The following TIGAR variants were observed in gnomAD, a reference collection of about 807,000 sequenced individuals.
The protein encoded by TIGAR is fructose-2,6-bisphosphatase TIGAR.
In TIGAR, 7 loss-of-function variants were observed where a neutral mutation model predicts 17.9. The observed-to-expected ratio is 0.39, with a 90% CI of 0.22 to 0.73. The LOEUF is 0.73. Among genes scored for constraint, TIGAR ranks in the 30% least tolerant of loss-of-function variants. The probability of loss-of-function intolerance (pLI) is 0.42; values close to 1 mark genes in which losing one functional copy is unlikely to be tolerated. For missense variants in TIGAR, 258 were observed against 327.4 expected (o/e 0.79, Z 1.64); for synonymous variants, 94 against 108.6 (o/e 0.87, Z 0.84).
intron 2 of TIGAR, among the ~76,000 whole-genome samples, chr12:4,333,538 C>T (rs966796354): frequency 1.3e-5 from 2 of 151,852 alleles, no homozygotes; most frequent in South Asian, 2.1e-4. Flanking sequence ...GGCGTGATCT[C>T]GGCTCCTGCA....
Position 4,331,319 on chromosome 12 carries a change from T to G in TIGAR, c.70+2T>G. 1 of 1,609,364 alleles carries G rather than the reference T, an allele frequency of 6.2e-7. No homozygotes were observed. Among genetic ancestry groups the G allele is most frequent in the Non-Finnish European group, 8.5e-7 (1 of 1,175,682 alleles). On this transcript the variant is annotated splice_donor_variant, in intron 2 of 5. Coordinates refer to ENST00000179259, the MANE Select transcript of TIGAR (RefSeq NM_020375.3). LOFTEE classifies it high-confidence loss of function. ...TTAACAAGGAGAAAATAATCCAAGG[T>G]TGGTATAATCCGATTGTTATTTTAG...
chr12:4,336,446 G>GCACACACACACACACACACACACACACA (rs10595001), intron 2 of TIGAR, among the ~76,000 whole-genome samples: 1 of 138,468 alleles, frequency 7.2e-6, no homozygotes, highest in African/African-American at 2.7e-5. Flanking sequence ...CAGCAATGCA[G>GCACACACACACACACACACACACACACA]CACACACACA....
At chr12:4,332,148 T>G (rs1864609594) in intron 2 of TIGAR, among the ~76,000 whole-genome samples, 1 of 152,102 alleles carries the variant, frequency 6.6e-6, no homozygotes, top group Non-Finnish European at 1.5e-5. Flanking sequence ...CAAGAAAGTT[T>G]TTGTGTTCTT....
intron 5 of TIGAR, 36 bp from the exon 6 acceptor site, chr12:4,352,224 G>A (rs1256303837): frequency 6.4e-7 from 1 of 1,563,112 alleles, no homozygotes; most frequent in East Asian, 2.2e-5. Flanking sequence ...AGTCATTAAT[G>A]TCACTTTATT....
intron 2 of TIGAR, among the ~76,000 whole-genome samples, chr12:4,334,288 C>T (rs1432951031): frequency 1.3e-5 from 2 of 152,128 alleles, no homozygotes; most frequent in East Asian, 1.9e-4. Flanking sequence ...TCCTGGTTTG[C>T]GGACTGCTGT....
At chr12:4,347,616 G>A (rs1318562850) in intron 3 of TIGAR, among the ~76,000 whole-genome samples, 1 of 152,162 alleles carries the variant, frequency 6.6e-6, no homozygotes, top group Non-Finnish European at 1.5e-5. Flanking sequence ...ACCAGGATGT[G>A]ATTGTCATGC....
intron 4 of TIGAR, among the ~76,000 whole-genome samples, 170 bp downstream of exon 4, chr12:4,350,066 C>CTTATTATTAAA (rs1169048482): frequency 6.6e-6 from 1 of 152,076 alleles, no homozygotes; most frequent in East Asian, 1.9e-4. Flanking sequence ...TATATAGGAT[C>CTTATTATTAAA]TTATTATTAA....
chr12:4,356,533 C>T lies in TIGAR; in HGVS notation c.*3842C>T, dbSNP rs967981612. ...CTTCTCCTACTATCAACATCCCCCA[C>T]CAGACCAGTGCATCTGTTACCATCG... On this transcript the variant is annotated 3_prime_UTR_variant, in exon 6 of 6. Coordinates refer to ENST00000179259, the MANE Select transcript of TIGAR (RefSeq NM_020375.3). Among the ~76,000 whole-genome samples the T allele has an allele frequency of 6.6e-6, 1 of 152,146 alleles. No individual in the cohort carries two copies.
At chr12:4,338,362 T>G (rs936759137) in intron 3 of TIGAR, among the ~76,000 whole-genome samples, 1 of 151,964 alleles carries the variant, frequency 6.6e-6, no homozygotes, top group Non-Finnish European at 1.5e-5. Context: ...CCCTAGGGAG[T>G]GTCCTGGTTT....
At chr12:4,344,377 T>C (rs568460504) in intron 3 of TIGAR, among the ~76,000 whole-genome samples, 1 of 152,322 alleles carries the variant, frequency 6.6e-6, no homozygotes, top group African/African-American at 2.4e-5. Context: ...ACTCATTTTA[T>C]GAGGCCAGCA....
chr12:4,339,828 A>G (rs1270744471), intron 3 of TIGAR, among the ~76,000 whole-genome samples: 1 of 152,236 alleles, frequency 6.6e-6, no homozygotes, highest in Non-Finnish European at 1.5e-5. Context: ...CTGAAAAAGC[A>G]TTTGATAAAA....
rs748780612 is a variant in TIGAR, at chr12:4,322,383, G to C, written c.32+1080G>C. 6.8e-4 allele frequency among the ~76,000 whole-genome samples: 104 copies of C among 152,248 alleles called. 1 individual carries two copies. The highest frequency in any genetic ancestry group is 1.3e-3 in the Non-Finnish European group (91 of 68,042). ...CAGGTAGCCTGGACTTAAGTTTCCT[G>C]ATATGCAAATGATAGTGCGTATCTC... On this transcript the variant is annotated intron_variant, in intron 1 of 5. Transcript: ENST00000179259.
At chr12:4,339,003 G>C (rs1293575311) in intron 3 of TIGAR, among the ~76,000 whole-genome samples, 2 of 113,384 alleles carry the variant, frequency 1.8e-5, no homozygotes, top group East Asian at 6.4e-4. Flanking sequence ...AAAAAAGACA[G>C]AAAGAACTAG....
At chr12:4,322,009 T>A (rs35562326) in intron 1 of TIGAR, among the ~76,000 whole-genome samples, 68,724 of 151,728 alleles carry the variant, frequency 0.45, 15,801 homozygotes, top group Non-Finnish European at 0.48. Context: ...TTTTTTTTTT[T>A]TTGTGAGATG....
chr12:4,324,723 G>A, intron 1 of TIGAR: 1 of 668,466 alleles, frequency 1.5e-6, no homozygotes, highest in South Asian at 1.6e-5. Context: ...GCTGCTCGCA[G>A]GACACGTCCC....
At chr12:4,351,644 T>G (rs1482660973) in intron 5 of TIGAR, among the ~76,000 whole-genome samples, 1 of 152,124 alleles carries the variant, frequency 6.6e-6, no homozygotes, top group East Asian at 1.9e-4. Flanking sequence ...GGCTTAGTGG[T>G]GGGAGTGGAG....
rs1439789775 is a variant in TIGAR, at chr12:4,337,165, A to C, written c.192+5A>C. 4.6e-6 allele frequency: 7 copies of C among 1,527,892 alleles called. No homozygotes were observed. The African/African-American group carries it at 8.3e-5, about 18-fold the overall frequency. 94.6% of individuals were successfully genotyped at this position (1,527,892 alleles called of 1,614,324 possible). A position where few individuals can be genotyped will look rare whatever the true frequency, so the allele number is the denominator to read the frequency against. On this transcript the variant is annotated splice_donor_5th_base_variant and intron_variant, in intron 3 of 5. Coordinates refer to ENST00000179259, the MANE Select transcript of TIGAR (RefSeq NM_020375.3). ...GATCTCATGAGGACAAAGCAGGTAC[A>C]TTTATTTATTTATTTATTTTGAGAC...
At chr12:4,335,156 G>C (rs1176382855) in intron 2 of TIGAR, among the ~76,000 whole-genome samples, 1 of 152,046 alleles carries the variant, frequency 6.6e-6, no homozygotes, top group Non-Finnish European at 1.5e-5. Flanking sequence ...TCCTGCCTCA[G>C]CCTTCCAAGT....
At chr12:4,339,350 G>A (rs1331912948) in intron 3 of TIGAR, among the ~76,000 whole-genome samples, 2 of 152,094 alleles carry the variant, frequency 1.3e-5, no homozygotes, top group African/African-American at 2.4e-5. Context: ...GATTGAACCA[G>A]GAAGAAATCC....
Sources: gnomAD v4.1 joint callset for allele counts (sites outside exome capture counted in the v4.1 genomes callset) on GRCh38, gnomAD v4.1.1 for gene constraint, MANE v1.5 for transcripts, NCBI Gene and HGNC (gene_info 2026-07-23, HGNC 2026-07-21) for gene names.